KALRN: variants seen among roughly 807,000 people sequenced by gnomAD.
The protein encoded by KALRN is kalirin RhoGEF kinase.
Under a neutral mutation model 353.7 loss-of-function variants are expected in KALRN, and 70 were observed. The observed-to-expected ratio is 0.20, with a 90% CI of 0.16 to 0.24. KALRN has a LOEUF of 0.24. Ranked by LOEUF, KALRN falls within the 10% of genes least tolerant of loss-of-function variation. The probability of loss-of-function intolerance (pLI) is 1.00; values close to 1 mark genes in which losing one functional copy is unlikely to be tolerated. For synonymous variants in KALRN, 1,391 were observed against 1,434.8 expected (o/e 0.97, Z 0.69); for missense variants, 2,791 against 3,756.7 (o/e 0.74, Z 6.72).
chr3:124,091,573 A>G (rs1282653923), intron 1 of KALRN, among the ~76,000 whole-genome samples: 1 of 152,194 alleles, frequency 6.6e-6, no homozygotes, highest in African/African-American at 2.4e-5. Context: ...AGAAGAAGGA[A>G]CATCGAAGAG....
At chr3:124,106,153 G>A (rs1268723502) in intron 1 of KALRN, among the ~76,000 whole-genome samples, 1 of 152,208 alleles carries the variant, frequency 6.6e-6, no homozygotes, top group Non-Finnish European at 1.5e-5. Context: ...TGAACAAAGA[G>A]TGCAGATGGA....
chr3:124,607,141 AC>A (rs1226546947), intron 34 of KALRN, among the ~76,000 whole-genome samples: 8 of 152,240 alleles, frequency 5.3e-5, no homozygotes, highest in Non-Finnish European at 1.2e-4. Context: ...GCGAACAAGA[AC>A]ATGGACAGTG....
intron 19 of KALRN, among the ~76,000 whole-genome samples, chr3:124,443,545 C>A (rs2093735641): frequency 6.6e-6 from 1 of 152,162 alleles, no homozygotes; most frequent in African/African-American, 2.4e-5. Context: ...GTCAGGGGAC[C>A]TGTGGGGAGC....
intron 1 of KALRN, among the ~76,000 whole-genome samples, chr3:124,170,242 A>T (rs1393111437): frequency 6.6e-6 from 1 of 152,242 alleles, no homozygotes; most frequent in Non-Finnish European, 1.5e-5. Flanking sequence ...CTCTGAAGGA[A>T]TCTCTCTTCT....
intron 12 of KALRN, among the ~76,000 whole-genome samples, chr3:124,397,598 GC>G (rs1350049678): frequency 6.6e-6 from 1 of 152,138 alleles, no homozygotes. Context: ...CTTACTCAAG[GC>G]CCTATGGAAT....
intron 1 of KALRN, among the ~76,000 whole-genome samples, chr3:124,121,350 G>T (rs1373302990): frequency 6.6e-6 from 1 of 152,160 alleles, no homozygotes; most frequent in African/African-American, 2.4e-5. Context: ...AATATTGAAT[G>T]AATAAATTTT....
intron 7 of KALRN, among the ~76,000 whole-genome samples, chr3:124,327,146 A>G (rs2079999641): frequency 6.6e-6 from 1 of 152,188 alleles, no homozygotes; most frequent in South Asian, 2.1e-4. Flanking sequence ...TGTTGCCTAG[A>G]GTCTTAAGAA....
chr3:124,133,787 C>T (rs1014483782), intron 1 of KALRN, among the ~76,000 whole-genome samples: 7 of 152,114 alleles, frequency 4.6e-5, no homozygotes, highest in Non-Finnish European at 7.4e-5. Flanking sequence ...TCAGGGCAGC[C>T]GGAATAGGAC....
intron 25 of KALRN, 131 bp from the exon 26 acceptor site, chr3:124,474,532 A>G (rs1045372983): frequency 2.9e-6 from 2 of 690,510 alleles, no homozygotes; most frequent in Middle Eastern, 2.4e-4. Context: ...GCACCTCACC[A>G]TCTATCACTT....
At chr3:124,451,861 A>C (rs959975538) in intron 21 of KALRN, among the ~76,000 whole-genome samples, 2 of 152,198 alleles carry the variant, frequency 1.3e-5, no homozygotes, top group Admixed American at 6.5e-5. Context: ...TACCATTTCT[A>C]TACCACAGCT....
chr3:124,172,510 C>G (rs556106904), intron 1 of KALRN, among the ~76,000 whole-genome samples: 1 of 152,294 alleles, frequency 6.6e-6, no homozygotes, highest in South Asian at 2.1e-4. Context: ...TTTGGATACA[C>G]AAGGCCAGGC....
intron 33 of KALRN, among the ~76,000 whole-genome samples, chr3:124,521,341 G>C (rs2067145870): frequency 1.3e-5 from 2 of 152,206 alleles, no homozygotes; most frequent in South Asian, 4.1e-4. Flanking sequence ...TAACACATGA[G>C]TGGATATATA....
intron 3 of KALRN, among the ~76,000 whole-genome samples, chr3:124,258,059 C>A (rs550184600): frequency 7.8e-4 from 119 of 152,256 alleles, no homozygotes; most frequent in African/African-American, 2.7e-3. Flanking sequence ...CATTTGAGCA[C>A]AGTGAATGAG....
intron 10 of KALRN, among the ~76,000 whole-genome samples, chr3:124,354,711 C>T (rs2083198539): frequency 6.6e-6 from 1 of 152,092 alleles, no homozygotes; most frequent in African/African-American, 2.4e-5. Flanking sequence ...ACTTTTAACA[C>T]AAGAAGATAA....
intron 34 of KALRN, among the ~76,000 whole-genome samples, chr3:124,596,488 A>C (rs1561376633): frequency 6.6e-6 from 1 of 152,016 alleles, no homozygotes; most frequent in African/African-American, 2.4e-5. Flanking sequence ...AAACAAAAAA[A>C]CCCCACAATA....
chr3:124,578,359 A>G (rs1450460322), intron 34 of KALRN, among the ~76,000 whole-genome samples: 2 of 152,114 alleles, frequency 1.3e-5, no homozygotes, highest in Non-Finnish European at 2.9e-5. Context: ...GGCAGTTCAT[A>G]GATCAGAAAT....
At chr3:124,369,024 T>TGAGAGGGAGACCGTGGAAA (rs1355118599) in intron 10 of KALRN, among the ~76,000 whole-genome samples, 8 of 151,576 alleles carry the variant, frequency 5.3e-5, no homozygotes, top group African/African-American at 9.7e-5. Context: ...CGGCTCCGCA[T>TGAGAGGGAGACCGTGGAAA]GAGAGGGAGA....
intron 34 of KALRN, among the ~76,000 whole-genome samples, chr3:124,605,594 G>GAC: frequency 7.2e-6 from 1 of 139,338 alleles, no homozygotes; most frequent in East Asian, 2.4e-4. Flanking sequence ...AAAAGAGAGA[G>GAC]AGAGAATAGG....
At chr3:124,360,425 A>C (rs9878723) in intron 10 of KALRN, among the ~76,000 whole-genome samples, 97,413 of 152,010 alleles carry the variant, frequency 0.64, 31,756 homozygotes, top group East Asian at 0.89. Context: ...ACACTATGAG[A>C]CAAGTGAGAA....
Sources: gnomAD v4.1 joint callset for allele counts (sites outside exome capture counted in the v4.1 genomes callset) on GRCh38, gnomAD v4.1.1 for gene constraint, MANE v1.5 for transcripts, NCBI Gene and HGNC (gene_info 2026-07-23, HGNC 2026-07-21) for gene names.